ACOT11: variants seen among roughly 807,000 people sequenced by gnomAD.
ACOT11 encodes acyl-coenzyme A thioesterase 11.
ACOT11 carries 69 observed loss-of-function variants against 77.5 expected under a neutral mutation model. The observed-to-expected ratio is 0.89, with a 90% confidence interval of 0.73 to 1.09. ACOT11 has a LOEUF of 1.09. Among genes scored for constraint, ACOT11 ranks in the 50% least tolerant of loss-of-function variants. The pLI is 0.00. For synonymous variants in ACOT11, 279 were observed against 313.0 expected (o/e 0.89, Z 1.15); for missense variants, 766 against 813.7 (o/e 0.94, Z 0.71).
chr1:54,573,042 G>A (rs1653977900), intron 1 of ACOT11: 1 of 985,350 alleles, frequency 1.0e-6, no homozygotes, highest in Non-Finnish European at 1.2e-6. Flanking sequence ...TGCTGGAAAA[G>A]GGTACTGACA....
intron 7 of ACOT11, chr1:54,599,007 A>C (rs1643921028): frequency 7.0e-6 from 1 of 143,338 alleles, no homozygotes; most frequent in South Asian, 2.3e-4. Flanking sequence ...TTAGCTGGGC[A>C]TGGTGGCGGA....
chr1:54,627,788 G>A lies in ACOT11; in HGVS notation c.1630-2946G>A, dbSNP rs1644279953. Reference sequence around the variant, plus strand: ...CTTTCAGAAGAGGCTTGGCTGACTCGGAGAACCATCAGGGACGGGGGCTAG... The same window carrying A: ...CTTTCAGAAGAGGCTTGGCTGACTCAGAGAACCATCAGGGACGGGGGCTAG... On this transcript the variant is annotated intron_variant, in intron 15 of 16. Coordinates refer to the ACOT11 transcript ENST00000371316. Among the ~76,000 whole-genome samples the A allele has an allele frequency of 2.2e-5, 3 of 133,624 alleles. 1 individual carries two copies. The highest frequency in any genetic ancestry group is 5.1e-5 in the Non-Finnish European group (3 of 58,966). The allele number at this position is 133,624 out of a possible 152,430, so 87.7% of individuals were successfully genotyped here.
In ACOT11 at chr1:54,603,909, T is replaced by A; in HGVS notation, c.1124T>A (p.Leu375His). The A allele has an allele frequency of 1.2e-6, 2 of 1,614,056 alleles. No individual in the cohort carries two copies. Among genetic ancestry groups the A allele is most frequent in the Non-Finnish European group, 1.7e-6 (2 of 1,180,006 alleles). ...IVSCKQTEVP[L>H]SVPWDPSNQV... is the part of the protein sequence containing the mutation. The stretch of plus-strand genomic sequence containing the variant: ...TCCTGTAAGCAGACAGAGGTGCCCC[T>A]CTCCGTCCCCTGGGACCCTAGCAAC... The change falls in exon 11 of 16, where the codon CTC (leucine) becomes CAC (histidine). Residue 375 changes from leucine to histidine, a missense_variant. Coordinates refer to ENST00000343744, the MANE Select transcript of ACOT11 (RefSeq NM_147161.4).
chr1:54,603,741 C>A, intron 10 of ACOT11, 130 bp from the exon 11 acceptor site: 1 of 842,450 alleles, frequency 1.2e-6, no homozygotes, highest in Non-Finnish European at 2.0e-6. Flanking sequence ...TCCAGCCTCC[C>A]TACCCAGACA....
In ACOT11 at chr1:54,607,989, G is replaced by T. The variant is rs748511381; in HGVS notation, c.1550G>T (p.Arg517Leu). 4 of 1,613,554 alleles carry T rather than the reference G, an allele frequency of 2.5e-6. No homozygotes were observed. Among genetic ancestry groups the T allele is most frequent in the South Asian group, 1.1e-5 (1 of 91,072 alleles). Reference protein sequence around the residue: ...ALRSVTLPTHRETPEYRRGET... With the variant: ...ALRSVTLPTHLETPEYRRGET... ...AGGTCGGTCACGCTGCCCACACACCGAGAGACGCCAGAGTACAGACGCGGA... is the reference window on the plus strand; with the variant it reads ...AGGTCGGTCACGCTGCCCACACACCTAGAGACGCCAGAGTACAGACGCGGA... The change falls in exon 15 of 16, where the codon CGA becomes CTA. Residue 517 changes from arginine to leucine, a missense_variant. Transcript: ENST00000343744. This position sits in a 1 kb window ranked among gnomAD's most constrained non-coding sequence, Gnocchi z 4.5.
chr1:54,614,163 C>T (rs935306642), downstream of ACOT11, among the ~76,000 whole-genome samples: 9 of 152,318 alleles, frequency 5.9e-5, no homozygotes, highest in Admixed American at 5.2e-4. Context: ...AGATCAAAGA[C>T]ATTCTCTCTC....
chr1:54,619,602 C>G (rs1378999192), intron 15 of ACOT11, among the ~76,000 whole-genome samples: 1 of 152,096 alleles, frequency 6.6e-6, no homozygotes, highest in Non-Finnish European at 1.5e-5. Flanking sequence ...CCTGACAGGT[C>G]GAGGAAGGGG....
chr1:54,618,838 T>G (rs1415766684), intron 15 of ACOT11, among the ~76,000 whole-genome samples: 4 of 152,176 alleles, frequency 2.6e-5, no homozygotes, highest in Non-Finnish European at 5.9e-5. Context: ...GGGAAGGTTA[T>G]TTGATCTTTT....
intron 10 of ACOT11, among the ~76,000 whole-genome samples, chr1:54,603,557 T>A (rs1643989504): frequency 1.3e-5 from 2 of 152,158 alleles, no homozygotes; most frequent in Non-Finnish European, 2.9e-5. Context: ...CTGATCCCAT[T>A]TCACAGATGA....
chr1:54,578,253 G>A (rs1361759210), intron 1 of ACOT11, among the ~76,000 whole-genome samples: 1 of 152,164 alleles, frequency 6.6e-6, no homozygotes, highest in Non-Finnish European at 1.5e-5. Context: ...AACAGCAATG[G>A]CAGGGTCTGG....
In ACOT11 at chr1:54,594,418, G is replaced by A. The variant is rs573298219; in HGVS notation, c.472-138G>A. Reference sequence around the variant, plus strand: ...GAGGCAGGAAGATGGGGCAAAGAGGGAGGAAGCCTTGGAACTGAGCAGCAG... The same window carrying A: ...GAGGCAGGAAGATGGGGCAAAGAGGAAGGAAGCCTTGGAACTGAGCAGCAG... On this transcript the variant is annotated intron_variant, in intron 5 of 15. Transcript: ENST00000343744. 7.7e-6 allele frequency: 9 copies of A among 1,172,244 alleles called. No individual in the cohort carries two copies. In the African/African-American group the frequency reaches 1.1e-4, roughly 14 times the overall value. The allele number at this position is 1,172,244 out of a possible 1,614,324, so 72.6% of individuals were successfully genotyped here.
Position 54,619,903 on chromosome 1 carries a change from C to A in ACOT11, c.1630-10831C>A, listed in dbSNP as rs745746159. Reference sequence around the variant, plus strand: ...GTCATGGCTTTCTTGCTGTTGGCTGCGTGGTACCAGGTGACCTCCAAGGCA... The same window carrying A: ...GTCATGGCTTTCTTGCTGTTGGCTGAGTGGTACCAGGTGACCTCCAAGGCA... On this transcript the variant is annotated intron_variant, in intron 15 of 16. Coordinates refer to the ACOT11 transcript ENST00000371316. The A allele has an allele frequency of 4.3e-6, 7 of 1,614,122 alleles. No individual in the cohort carries two copies. In the East Asian group the frequency reaches 1.6e-4, roughly 36 times the overall value.
intron 1 of ACOT11, chr1:54,548,552 T>C: frequency 1.5e-6 from 1 of 646,864 alleles, no homozygotes; most frequent in South Asian, 2.0e-5. Context: ...GGCTGTCAGA[T>C]CCCCCACGGG....
intron 12 of ACOT11, 144 bp from the exon 13 acceptor site, chr1:54,604,932 A>G (rs912623557): frequency 3.6e-6 from 3 of 842,000 alleles, no homozygotes; most frequent in Admixed American, 2.4e-5. Context: ...GTGGGGATGC[A>G]GCTGAGACTC....
At chr1:54,612,924 G>C (rs1054734388), downstream of ACOT11, among the ~76,000 whole-genome samples, 8 of 152,094 alleles carry the variant, frequency 5.3e-5, no homozygotes, top group African/African-American at 1.9e-4. Context: ...TCCTGATTCT[G>C]ATCTTGGGCA....
intron 1 of ACOT11, among the ~76,000 whole-genome samples, chr1:54,571,094 A>C (rs1653917653): frequency 6.9e-6 from 1 of 145,864 alleles, no homozygotes; most frequent in South Asian, 2.1e-4. Flanking sequence ...TTTTAAAGAG[A>C]CAGGGTCTCA....
chr1:54,570,141 T>C (rs1367138053), intron 1 of ACOT11, among the ~76,000 whole-genome samples: 1 of 152,176 alleles, frequency 6.6e-6, no homozygotes, highest in African/African-American at 2.4e-5. Flanking sequence ...TCCATTTCCC[T>C]CATGAGGTGT....
intron 10 of ACOT11, 62 bp downstream of exon 10, chr1:54,602,786 C>T (rs1263848007): frequency 7.0e-7 from 1 of 1,429,950 alleles, no homozygotes. Flanking sequence ...TCCGCTGACC[C>T]CAGGGCACTC....
At chr1:54,608,093 C>A (rs1644052530) in intron 15 of ACOT11, 25 bp downstream of exon 15, 4 of 1,599,514 alleles carry the variant, frequency 2.5e-6, no homozygotes, top group South Asian at 2.2e-5. Flanking sequence ...CCCAACCACG[C>A]CCCCAGCCTG....
Sources: allele counts gnomAD v4.1 joint callset (sites outside exome capture counted in the v4.1 genomes callset), GRCh38; gene constraint gnomAD v4.1.1; non-coding constraint Gnocchi (gnomAD v3.1); transcripts MANE v1.5; gene names NCBI Gene and HGNC (gene_info 2026-07-23, HGNC 2026-07-21).